Variants in SH3KBP1 observed in about 807,000 individuals in gnomAD.
SH3KBP1 encodes SH3 domain containing kinase binding protein 1.
SH3KBP1 carries 8 observed loss-of-function variants against 50.1 expected under a neutral mutation model. The observed-to-expected ratio is 0.16, with a 90% CI of 0.09 to 0.29. The LOEUF (loss-of-function observed/expected upper bound fraction) is 0.29, where lower values mean the gene tolerates loss of function less well. Ranked by LOEUF, SH3KBP1 falls within the 10% of genes least tolerant of loss-of-function variation. SH3KBP1 has a pLI of 1.00. For synonymous variants in SH3KBP1, 227 were observed against 218.6 expected, an observed-to-expected ratio of 1.04 and a Z score of -0.34; for missense variants, 377 against 535.2, an observed-to-expected ratio of 0.70 and a Z score of 2.92.
At chrX:19,725,443 C>A (rs1002907851) in intron 3 of SH3KBP1, among the ~76,000 whole-genome samples, 1 of 110,942 alleles carries the variant, frequency 9.0e-6, no homozygotes, top group African/African-American at 3.3e-5. Flanking sequence ...TGCACTCCAA[C>A]CTCAGTGACA....
chrX:19,639,022 C>G (rs759873919), intron 7 of SH3KBP1, among the ~76,000 whole-genome samples: 36 of 111,724 alleles, frequency 3.2e-4, no homozygotes, highest in Non-Finnish European at 5.8e-4. Context: ...ATCTAGTGGG[C>G]AGAGGCCAGG....
At chrX:19,652,518 T>C in intron 6 of SH3KBP1, among the ~76,000 whole-genome samples, 1 of 111,380 alleles carries the variant, frequency 9.0e-6, no homozygotes. Flanking sequence ...GAAATCATTT[T>C]CCAAAGTGTA....
intron 6 of SH3KBP1, among the ~76,000 whole-genome samples, chrX:19,650,030 C>A (rs1269231450): frequency 1.8e-5 from 2 of 111,740 alleles, no homozygotes; most frequent in Non-Finnish European, 3.8e-5. Context: ...TGAAAATCTC[C>A]TCTCCAAGAA....
chrX:19,798,854 A>C (rs955241912), intron 2 of SH3KBP1, among the ~76,000 whole-genome samples: 2 of 112,302 alleles, frequency 1.8e-5, no homozygotes, highest in Non-Finnish European at 3.8e-5. Flanking sequence ...GCAACCAAGC[A>C]CCAGGTGCCT....
At position 19,611,086 on chromosome X, in the gene SH3KBP1, G is replaced by A. The variant is rs1194064751; in HGVS notation, c.898-3041C>T. 5.4e-5 allele frequency among the ~76,000 whole-genome samples: 6 copies of A among 110,257 alleles called. No homozygotes were observed. In the East Asian group the frequency reaches 1.7e-3, roughly 31 times the overall value. ...TTTTTAGTAGAGATGGGGTTTCGCC[G>A]TGCTGCCCAGGCTGGTCTTGAACTC... On this transcript the variant is annotated intron_variant, in intron 8 of 17. Coordinates refer to ENST00000397821, the MANE Select transcript of SH3KBP1 (RefSeq NM_031892.3).
At position 19,718,598 on chromosome X, in the gene SH3KBP1, A is replaced by G. The variant is rs771787564; in HGVS notation, c.287-11614T>C. The stretch of plus-strand genomic sequence containing the variant: ...ATCACAGTCACCTATTAAAATAATT[A>G]CCTTGCATTATGAAACTTACCTTTC... On this transcript the variant is annotated intron_variant, in intron 3 of 17. Transcript: ENST00000397821. Among the ~76,000 whole-genome samples, 9 of 112,532 alleles carry G rather than the reference A, an allele frequency of 8.0e-5. No homozygotes were observed. In the East Asian group the frequency reaches 2.5e-3, roughly 31 times the overall value.
rs903597173 is a variant in SH3KBP1 at position 19,536,252 on chromosome X, T to C, written c.*165A>G. On this transcript the variant is annotated 3_prime_UTR_variant, in exon 18 of 18. Transcript: ENST00000397821. Reference sequence around the variant, plus strand: ...TAAACCCTGGGGAAGATTCTCCTCTTGGATGGAATTTGTGTTGTGCTATCA... The same window carrying C: ...TAAACCCTGGGGAAGATTCTCCTCTCGGATGGAATTTGTGTTGTGCTATCA... 1.6e-5 allele frequency: 6 copies of C among 379,108 alleles called. 1 individual carries two copies. The highest frequency in any genetic ancestry group is 1.2e-4 in the South Asian group (2 of 17,284). The allele number at this position is 379,108 out of a possible 1,213,427, so 31.2% of individuals were successfully genotyped here.
intron 6 of SH3KBP1, chrX:19,683,480 C>T: frequency 6.0e-6 from 2 of 333,684 alleles, no homozygotes; most frequent in South Asian, 3.0e-5. Flanking sequence ...AGAGATTGGC[C>T]AGTGTCTGAA....
intron 1 of SH3KBP1, among the ~76,000 whole-genome samples, chrX:19,849,750 C>T (rs1185184244): frequency 9.3e-6 from 1 of 107,505 alleles, no homozygotes; most frequent in African/African-American, 3.4e-5. Context: ...CCTTCCAAAT[C>T]GTGATTCAAA....
At chrX:19,692,711 C>G (rs1338645682) in intron 5 of SH3KBP1, among the ~76,000 whole-genome samples, 1 of 84,166 alleles carries the variant, frequency 1.2e-5, no homozygotes, top group Non-Finnish European at 2.2e-5. Flanking sequence ...TTTTAATAGT[C>G]TCTTTCTGTA....
rs749870928 is a variant in SH3KBP1 at position 19,542,228 on chromosome X, GGGGATTTGTGTGCT to G, written c.1624-49_1624-36del. 4 of 1,132,810 alleles carry G rather than the reference GGGGATTTGTGTGCT, an allele frequency of 3.5e-6. No individual in the cohort carries two copies. The South Asian group carries it at 8.5e-5, about 24-fold the overall frequency. 93.4% of individuals were successfully genotyped at this position (1,132,810 alleles called of 1,213,427 possible). On this transcript the variant is annotated intron_variant, in intron 15 of 17. Coordinates refer to ENST00000397821, the MANE Select transcript of SH3KBP1 (RefSeq NM_031892.3). ...GGGAAGGCAGGGAGGGTTCAGGGCC[GGGGATTTGTGTGCT>G]GCGTCTTTGTCCTGGTTAGTCAAAC...
At chrX:19,651,910 C>T (rs1414283511) in intron 6 of SH3KBP1, among the ~76,000 whole-genome samples, 1 of 111,987 alleles carries the variant, frequency 8.9e-6, no homozygotes, top group Non-Finnish European at 1.9e-5. Flanking sequence ...CCTTTCTTGC[C>T]CTTTTCCTTC....
intron 2 of SH3KBP1, among the ~76,000 whole-genome samples, chrX:19,761,826 A>G (rs746271739): frequency 3.1e-4 from 35 of 112,744 alleles, no homozygotes; most frequent in African/African-American, 1.1e-3. Flanking sequence ...AAAGGTATAC[A>G]TGTTCATTCC....
intron 13 of SH3KBP1, among the ~76,000 whole-genome samples, chrX:19,563,080 C>G (rs1362443979): frequency 9.0e-6 from 1 of 111,611 alleles, no homozygotes; most frequent in African/African-American, 3.3e-5. Context: ...AAAAGATGTT[C>G]GTGAAGACCC....
At chrX:19,774,504 T>C (rs1198596334) in intron 2 of SH3KBP1, among the ~76,000 whole-genome samples, 3 of 109,226 alleles carry the variant, frequency 2.7e-5, no homozygotes, top group Non-Finnish European at 5.7e-5. Context: ...ACCCCGTCTC[T>C]ACTAAAAATA....
intron 1 of SH3KBP1, among the ~76,000 whole-genome samples, chrX:19,868,273 A>T (rs1178594180): frequency 1.8e-5 from 2 of 111,826 alleles, no homozygotes; most frequent in African/African-American, 6.5e-5. Flanking sequence ...TTCGCTGAGG[A>T]AGCTACAAGT....
intron 2 of SH3KBP1, among the ~76,000 whole-genome samples, chrX:19,766,926 C>T (rs942649207): frequency 9.0e-6 from 1 of 111,489 alleles, no homozygotes; most frequent in African/African-American, 3.3e-5. Flanking sequence ...ACCATATCTG[C>T]ATCGTAAGGT....
At chrX:19,588,276 G>T in intron 12 of SH3KBP1, 1 of 987,139 alleles carries the variant, frequency 1.0e-6, no homozygotes, top group Non-Finnish European at 1.3e-6. Flanking sequence ...ACTTGAGGCC[G>T]GCACAACATC....
At chrX:19,651,078 C>T (rs1202349344) in intron 6 of SH3KBP1, among the ~76,000 whole-genome samples, 1 of 110,821 alleles carries the variant, frequency 9.0e-6, no homozygotes, top group Non-Finnish European at 1.9e-5. Flanking sequence ...CCTTCATGAA[C>T]ACCTATGACA....
Sources: gnomAD v4.1 joint callset for allele counts (sites outside exome capture counted in the v4.1 genomes callset) on GRCh38, gnomAD v4.1.1 for gene constraint, MANE v1.5 for transcripts, NCBI Gene and HGNC (gene_info 2026-07-23, HGNC 2026-07-21) for gene names.